Variants in GPR19 observed in about 807,000 individuals in gnomAD.
The protein encoded by GPR19 is G protein-coupled receptor 19.
GPR19 carries 14 observed loss-of-function variants against 28.5 expected under a neutral mutation model. The observed-to-expected ratio is 0.49, with a 90% CI of 0.32 to 0.77. The LOEUF is 0.77. Among genes scored for constraint, GPR19 ranks in the 30% least tolerant of loss-of-function variants. The pLI, the probability that GPR19 is intolerant of heterozygous loss-of-function variation, is 0.03. For synonymous variants in GPR19, 173 were observed against 184.1 expected (o/e 0.94, Z 0.49); for missense variants, 409 against 504.1 (o/e 0.81, Z 1.81).
chr12:12,670,945 A>T (rs1592256339), intron 3 of GPR19, among the ~76,000 whole-genome samples: 1 of 152,186 alleles, frequency 6.6e-6, no homozygotes, highest in Non-Finnish European at 1.5e-5. Flanking sequence ...AAGGTATCCT[A>T]CATCAAAATA....
intron 3 of GPR19, among the ~76,000 whole-genome samples, chr12:12,683,159 A>G (rs1247958806): frequency 6.6e-6 from 1 of 152,184 alleles, no homozygotes; most frequent in Non-Finnish European, 1.5e-5. Context: ...TGAGACATCA[A>G]TTGGTCACCA....
At chr12:12,684,562 G>C (rs1242003125) in intron 2 of GPR19, 55 bp from the exon 3 acceptor site, 1 of 152,016 alleles carries the variant, frequency 6.6e-6, no homozygotes, top group African/African-American at 2.4e-5. Context: ...CCATCTTCCC[G>C]CCCCCAGCCC....
rs147543699 is a variant in GPR19, at chr12:12,694,188, CTTTTTTTTT to C, written c.-180+1262_-180+1270del. Among the ~76,000 whole-genome samples the C allele has an allele frequency of 2.5e-3, 110 of 43,852 alleles. 1 individual carries two copies. The highest frequency in any genetic ancestry group is 4.8e-3 in the Admixed American group (12 of 2,484). The allele number at this position is 43,852 out of a possible 152,430, so 28.8% of individuals were successfully genotyped here. On this transcript the variant is annotated intron_variant, in intron 2 of 3. Transcript: ENST00000651487. Reference sequence around the variant, plus strand: ...TGTGTGGGCATGGTAGAGTACCTGTCTTTTTTTTTTTTTTTTTTTTTTTTTTTTGAGACG... The same window carrying C: ...TGTGTGGGCATGGTAGAGTACCTGTCTTTTTTTTTTTTTTTTTTTGAGACG...
At chr12:12,690,290 AT>A (rs756175178) in intron 2 of GPR19, among the ~76,000 whole-genome samples, 3 of 152,180 alleles carry the variant, frequency 2.0e-5, no homozygotes, top group Non-Finnish European at 4.4e-5. Flanking sequence ...TGTATTCCTA[AT>A]GTGGAAGATA....
the GPR19 span, among the ~76,000 whole-genome samples, chr12:12,711,290 CAAAAA>C: frequency 3.6e-5 from 4 of 109,680 alleles, no homozygotes; most frequent in African/African-American, 3.8e-5. Context: ...GAGACTCCAT[CAAAAA>C]AAAAAAAAAA....
the GPR19 span, among the ~76,000 whole-genome samples, chr12:12,702,868 T>A: frequency 6.6e-6 from 1 of 152,262 alleles, no homozygotes; most frequent in Non-Finnish European, 1.5e-5. Flanking sequence ...TTCACTTGGA[T>A]GTACCGTATA....
chr12:12,716,815 G>C, the GPR19 span: 1 of 985,154 alleles, frequency 1.0e-6, no homozygotes, highest in Non-Finnish European at 1.2e-6. Context: ...GCCTCCACCA[G>C]CCCCCAGCAA....
intron 3 of GPR19, among the ~76,000 whole-genome samples, chr12:12,677,068 CATT>C (rs1310073596): frequency 3.9e-5 from 6 of 152,214 alleles, no homozygotes; most frequent in African/African-American, 1.4e-4. Context: ...AGTTACTAAG[CATT>C]ATTTCTCAGG....
chr12:12,696,298 C>G (rs1031029982), upstream of GPR19: 2 of 144,318 alleles, frequency 1.4e-5, no homozygotes, highest in Admixed American at 1.4e-4. Context: ...TGATGGCCGG[C>G]TAGTATGAAG....
the GPR19 span, chr12:12,703,323 G>T: frequency 1.1e-6 from 1 of 939,246 alleles, no homozygotes; most frequent in African/African-American, 1.8e-5. Context: ...TCTATTGATT[G>T]TGAGACACAG....
At chr12:12,683,444 TG>T (rs1371961531) in intron 3 of GPR19, among the ~76,000 whole-genome samples, 1 of 152,224 alleles carries the variant, frequency 6.6e-6, no homozygotes, top group East Asian at 1.9e-4. Flanking sequence ...GCACAGGCTT[TG>T]GGGTCAAGTT....
the GPR19 span, among the ~76,000 whole-genome samples, chr12:12,701,741 A>G: frequency 1.3e-5 from 2 of 152,036 alleles, no homozygotes; most frequent in East Asian, 1.9e-4. Flanking sequence ...GAGCAGCCTG[A>G]GCAACATGGC....
chr12:12,670,979 G>A (rs957333496), intron 3 of GPR19, among the ~76,000 whole-genome samples: 11 of 152,072 alleles, frequency 7.2e-5, no homozygotes, highest in Non-Finnish European at 1.0e-4. Flanking sequence ...GATTGAATAC[G>A]CCTTTTTCAA....
intron 3 of GPR19, among the ~76,000 whole-genome samples, chr12:12,664,032 C>G (rs772996831): frequency 1.3e-5 from 2 of 152,098 alleles, no homozygotes; most frequent in Admixed American, 6.6e-5. Context: ...CTCGCTCCGT[C>G]CCCCGGGCTG....
chr12:12,695,431 G>A lies in GPR19; in HGVS notation c.-180+28C>T, dbSNP rs1946247301. 2.0e-5 allele frequency: 3 copies of A among 152,230 alleles called. 1 individual carries two copies. Among genetic ancestry groups the A allele is most frequent in the African/African-American group, 4.8e-5 (2 of 41,454 alleles). The allele number at this position is 152,230 out of a possible 1,614,324, so 9.4% of individuals were successfully genotyped here. ...GGGCCAGGAGGCTCCATCGGAAGGA[G>A]GCAGACACTTCAGGTGTTGGGTGGT... On this transcript the variant is annotated intron_variant, in intron 2 of 3. Coordinates refer to ENST00000651487, the MANE Select transcript of GPR19 (RefSeq NM_006143.3).
chr12:12,704,449 C>T, the GPR19 span, among the ~76,000 whole-genome samples: 98,480 of 152,078 alleles, frequency 0.65, 34,501 homozygotes, highest in East Asian at 0.8. Flanking sequence ...TTACAGTGAG[C>T]CGAGATCGTG....
intron 3 of GPR19, among the ~76,000 whole-genome samples, chr12:12,683,786 C>T (rs1250977362): frequency 6.6e-6 from 1 of 152,208 alleles, no homozygotes; most frequent in Non-Finnish European, 1.5e-5. Context: ...AGAACTTCCC[C>T]AGGGTCTTGT....
At chr12:12,681,053 C>T (rs1280822471) in intron 3 of GPR19, among the ~76,000 whole-genome samples, 1 of 152,200 alleles carries the variant, frequency 6.6e-6, no homozygotes, top group Non-Finnish European at 1.5e-5. Context: ...CCGCCTTAGC[C>T]TCCCAAAGTG....
chr12:12,709,272 C>T, the GPR19 span, among the ~76,000 whole-genome samples: 1 of 152,078 alleles, frequency 6.6e-6, no homozygotes. Flanking sequence ...GGAGTAGTAC[C>T]TCATGAGCTT....
Sources: gnomAD v4.1 joint callset for allele counts (sites outside exome capture counted in the v4.1 genomes callset) on GRCh38, gnomAD v4.1.1 for gene constraint, MANE v1.5 for transcripts, NCBI Gene and HGNC (gene_info 2026-07-23, HGNC 2026-07-21) for gene names.